Variants in CADM2 observed in about 807,000 individuals in gnomAD.
The protein encoded by CADM2 is immunoglobulin superfamily member 4D.
In CADM2, 12 loss-of-function variants were observed where a neutral mutation model predicts 49.8. That is an observed-to-expected ratio of 0.24 (90% confidence interval 0.15 to 0.39). CADM2 has a LOEUF of 0.39. Ranked by LOEUF, CADM2 falls within the 10% of genes least tolerant of loss-of-function variation. The probability of loss-of-function intolerance (pLI) is 1.00; values close to 1 mark genes in which losing one functional copy is unlikely to be tolerated. For missense variants in CADM2, 378 were observed against 492.3 expected (o/e 0.77, Z 2.20); for synonymous variants, 214 against 175.4 (o/e 1.22, Z -1.74).
intron 4 of CADM2, among the ~76,000 whole-genome samples, chr3:85,884,810 T>C (rs924952936): frequency 6.6e-5 from 10 of 151,242 alleles, no homozygotes; most frequent in Admixed American, 2.6e-4. Flanking sequence ...CTGCAACCTC[T>C]GTCTCCCAAG....
intron 1 of CADM2, among the ~76,000 whole-genome samples, chr3:85,157,946 C>A (rs1029693178): frequency 9.9e-5 from 15 of 152,098 alleles, no homozygotes; most frequent in Non-Finnish European, 1.5e-4. Flanking sequence ...ACTCATCTGA[C>A]AAAGGGCTAA....
chr3:85,455,660 A>G (rs2037955858), intron 1 of CADM2, among the ~76,000 whole-genome samples: 1 of 152,220 alleles, frequency 6.6e-6, no homozygotes, highest in Non-Finnish European at 1.5e-5. Flanking sequence ...ACTTAATATC[A>G]CAGGATCCTG....
intron 2 of CADM2, among the ~76,000 whole-genome samples, chr3:85,786,790 G>A (rs773472115): frequency 3.9e-5 from 6 of 151,906 alleles, no homozygotes; most frequent in Non-Finnish European, 8.8e-5. Flanking sequence ...AGCTTTATAC[G>A]TCTCACATTC....
At chr3:85,414,368 G>A (rs1299389505) in intron 1 of CADM2, among the ~76,000 whole-genome samples, 1 of 152,050 alleles carries the variant, frequency 6.6e-6, no homozygotes, top group Non-Finnish European at 1.5e-5. Context: ...AAAAATAATC[G>A]AGAGAAATAA....
chr3:85,163,912 A>C (rs1172103871), intron 1 of CADM2, among the ~76,000 whole-genome samples: 1 of 152,036 alleles, frequency 6.6e-6, no homozygotes, highest in Non-Finnish European at 1.5e-5. Context: ...CATTAGTAGT[A>C]ATTCCTCATT....
At chr3:85,940,377 T>A (rs1369341653) in intron 7 of CADM2, among the ~76,000 whole-genome samples, 1 of 151,766 alleles carries the variant, frequency 6.6e-6, no homozygotes, top group Non-Finnish European at 1.5e-5. Flanking sequence ...ATAAAGTCAA[T>A]TTTCTTAGCC....
intron 8 of CADM2, among the ~76,000 whole-genome samples, chr3:85,968,808 GC>G (rs761768879): frequency 2.5e-4 from 38 of 151,742 alleles, no homozygotes; most frequent in Non-Finnish European, 4.6e-4. Flanking sequence ...ATATGCAATG[GC>G]CCATGGGAGG....
At chr3:85,499,962 G>C (rs1398534296) in intron 1 of CADM2, among the ~76,000 whole-genome samples, 1 of 152,142 alleles carries the variant, frequency 6.6e-6, no homozygotes, top group Non-Finnish European at 1.5e-5. Context: ...AGAATGAGTA[G>C]AGTGCTGCTT....
chr3:85,789,341 C>T (rs2875528), intron 2 of CADM2, among the ~76,000 whole-genome samples: 15,716 of 152,132 alleles, frequency 0.1, 918 homozygotes, highest in South Asian at 0.12. Context: ...TAAAGCTAGT[C>T]AGTTCTAGAT....
chr3:85,453,556 G>A (rs1253402701), intron 1 of CADM2, among the ~76,000 whole-genome samples: 1 of 152,010 alleles, frequency 6.6e-6, no homozygotes, highest in African/African-American at 2.4e-5. Flanking sequence ...GATTTCTGGA[G>A]TAACACAGTC....
chr3:85,934,244 A>G (rs1720931874), intron 6 of CADM2, among the ~76,000 whole-genome samples: 1 of 152,150 alleles, frequency 6.6e-6, no homozygotes, highest in African/African-American at 2.4e-5. Context: ...CAGTTTGACC[A>G]GAACAGTCTG....
intron 1 of CADM2, among the ~76,000 whole-genome samples, chr3:85,297,074 A>G (rs1355167409): frequency 1.3e-5 from 2 of 152,044 alleles, no homozygotes; most frequent in South Asian, 4.1e-4. Flanking sequence ...AAATCTTTGT[A>G]TACTCCACAC....
chr3:85,003,836 T>G (rs1252494860), intron 1 of CADM2, among the ~76,000 whole-genome samples: 3 of 152,264 alleles, frequency 2.0e-5, no homozygotes, highest in Middle Eastern at 6.8e-3. Flanking sequence ...ACAATTTTAT[T>G]ACTTAACTTA....
intron 2 of CADM2, among the ~76,000 whole-genome samples, chr3:85,794,735 G>T (rs73142882): frequency 2.0e-5 from 3 of 151,998 alleles, no homozygotes; most frequent in Non-Finnish European, 4.4e-5. Flanking sequence ...CCTTGTAGAT[G>T]GTAAACAAGA....
intron 1 of CADM2, among the ~76,000 whole-genome samples, chr3:85,529,060 A>T (rs911598843): frequency 1.3e-5 from 2 of 152,070 alleles, no homozygotes; most frequent in Non-Finnish European, 2.9e-5. Flanking sequence ...AACATTTTAT[A>T]AATGAAGAAA....
At chr3:85,795,622 C>A (rs1396642784) in intron 2 of CADM2, among the ~76,000 whole-genome samples, 1 of 152,090 alleles carries the variant, frequency 6.6e-6, no homozygotes, top group Non-Finnish European at 1.5e-5. Flanking sequence ...GTAGAGGACT[C>A]TAACAAACAT....
chr3:85,265,310 T>G (rs887887044), intron 1 of CADM2, among the ~76,000 whole-genome samples: 1 of 151,768 alleles, frequency 6.6e-6, no homozygotes, highest in African/African-American at 2.4e-5. Flanking sequence ...TTTTTTTTTG[T>G]GTTAGTATTT....
chr3:85,367,826 C>CAT (rs1272288985), intron 1 of CADM2, among the ~76,000 whole-genome samples: 7 of 60,966 alleles, frequency 1.1e-4, no homozygotes, highest in African/African-American at 3.2e-4. Context: ...TATATATATA[C>CAT]ATATATATGT....
chr3:85,316,825 G>C (rs145234393), intron 1 of CADM2, among the ~76,000 whole-genome samples: 1 of 152,052 alleles, frequency 6.6e-6, no homozygotes, highest in Non-Finnish European at 1.5e-5. Context: ...ACAAAAGCGC[G>C]TACATGCAGC....
Sources: allele counts gnomAD v4.1 joint callset (sites outside exome capture counted in the v4.1 genomes callset), GRCh38; gene constraint gnomAD v4.1.1; transcripts MANE v1.5; gene names NCBI Gene and HGNC (gene_info 2026-07-23, HGNC 2026-07-21).